EYS: variants seen among roughly 807,000 people sequenced by gnomAD.
EYS encodes protein eyes shut homolog.
Under a neutral mutation model 282.1 loss-of-function variants are expected in EYS, and 250 were observed. The ratio of observed to expected loss-of-function variants is 0.89; its 90% CI spans 0.80 to 0.98. The LOEUF is 0.98. Ranked by LOEUF, EYS falls within the 50% of genes least tolerant of loss-of-function variation. The probability of loss-of-function intolerance (pLI) is 0.00; values close to 1 mark genes in which losing one functional copy is unlikely to be tolerated. For missense variants in EYS, 4,016 were observed against 3,709.0 expected, an observed-to-expected ratio of 1.08 and a Z score of -2.15; for synonymous variants, 1,355 against 1,282.9, an observed-to-expected ratio of 1.06 and a Z score of -1.20.
At chr6:64,027,966 T>A (rs1309970099) in intron 33 of EYS, among the ~76,000 whole-genome samples, 1 of 152,196 alleles carries the variant, frequency 6.6e-6, no homozygotes, top group Admixed American at 6.5e-5. Flanking sequence ...GTCCTCAAGG[T>A]CCATTACCAT....
chr6:64,381,182 C>G (rs1242779034), intron 29 of EYS, among the ~76,000 whole-genome samples: 1 of 152,034 alleles, frequency 6.6e-6, no homozygotes, highest in African/African-American at 2.4e-5. Context: ...TACTAACGTT[C>G]TTTATACTAA....
chr6:64,892,912 C>A (rs1767332542), intron 18 of EYS, among the ~76,000 whole-genome samples: 1 of 152,026 alleles, frequency 6.6e-6, no homozygotes, highest in Non-Finnish European at 1.5e-5. Context: ...TGAAGAATTG[C>A]TAAACCCGTG....
intron 26 of EYS, among the ~76,000 whole-genome samples, chr6:64,446,458 GATTA>G (rs1349289306): frequency 1.3e-5 from 2 of 151,914 alleles, no homozygotes; most frequent in Non-Finnish European, 1.5e-5. Context: ...ATTTCTCTCA[GATTA>G]ATTATGAATA....
At chr6:65,029,880 G>A (rs570186979) in intron 13 of EYS, among the ~76,000 whole-genome samples, 5 of 152,214 alleles carry the variant, frequency 3.3e-5, no homozygotes, top group East Asian at 1.9e-4. Context: ...TATGAGGGAC[G>A]CATTCCTGGT....
At chr6:63,992,920 C>G (rs1420845183) in intron 34 of EYS, among the ~76,000 whole-genome samples, 1 of 151,748 alleles carries the variant, frequency 6.6e-6, no homozygotes, top group Non-Finnish European at 1.5e-5. Flanking sequence ...GTAATTTCAT[C>G]ATGGGGATAG....
chr6:65,490,114 C>T (rs2127265890), intron 5 of EYS: 1 of 153,628 alleles, frequency 6.5e-6, no homozygotes, highest in South Asian at 2.0e-4. Context: ...TAACCCAGAA[C>T]TTAAAGTGTA....
intron 22 of EYS, among the ~76,000 whole-genome samples, chr6:64,808,724 T>C (rs995898129): frequency 6.6e-6 from 1 of 152,082 alleles, no homozygotes; most frequent in Non-Finnish European, 1.5e-5. Context: ...ACAAAGAATC[T>C]ACCTATCTTT....
At chr6:64,376,325 C>T (rs1772560045) in intron 29 of EYS, among the ~76,000 whole-genome samples, 1 of 152,100 alleles carries the variant, frequency 6.6e-6, no homozygotes, top group Non-Finnish European at 1.5e-5. Flanking sequence ...GAGACAAGAA[C>T]TCACACTAAA....
At chr6:63,780,889 A>T (rs566873895) in intron 39 of EYS, among the ~76,000 whole-genome samples, 1 of 152,204 alleles carries the variant, frequency 6.6e-6, no homozygotes, top group South Asian at 2.1e-4. Flanking sequence ...TAGGTCTAAC[A>T]TTTAAGTCTT....
intron 16 of EYS, 21 bp from the exon 17 acceptor site, chr6:64,902,521 G>T: frequency 1.4e-6 from 2 of 1,380,576 alleles, no homozygotes; most frequent in Non-Finnish European, 2.0e-6. Flanking sequence ...TATGAGATGA[G>T]TATGGATGAG....
At chr6:65,346,717 A>G (rs1341197695) in intron 9 of EYS, among the ~76,000 whole-genome samples, 1 of 151,854 alleles carries the variant, frequency 6.6e-6, no homozygotes, top group South Asian at 2.1e-4. Context: ...GGAAAGACCC[A>G]TGCTTCCAAA....
At chr6:64,234,886 T>C (rs1295318692) in intron 30 of EYS, among the ~76,000 whole-genome samples, 3 of 151,756 alleles carry the variant, frequency 2.0e-5, no homozygotes, top group Non-Finnish European at 4.4e-5. Flanking sequence ...TATTCTTTTT[T>C]TTTTTCTTTT....
chr6:64,071,357 G>A (rs1035228246), intron 32 of EYS, among the ~76,000 whole-genome samples: 1 of 151,858 alleles, frequency 6.6e-6, no homozygotes, highest in African/African-American at 2.4e-5. Flanking sequence ...CTATACTAAT[G>A]CATGTTAATT....
At chr6:64,905,353 T>C in intron 16 of EYS, among the ~76,000 whole-genome samples, 1 of 152,290 alleles carries the variant, frequency 6.6e-6, no homozygotes, top group East Asian at 1.9e-4. Context: ...AAACAGAAAG[T>C]TTGTTATTAC....
At position 64,563,179 on chromosome 6, in the gene EYS, C is replaced by T. The variant is rs1404640380; in HGVS notation, c.5644+27044G>A. 2.6e-5 allele frequency among the ~76,000 whole-genome samples: 4 copies of T among 151,938 alleles called. 1 individual carries two copies. The highest frequency in any genetic ancestry group is 2.6e-4 in the Admixed American group (4 of 15,258). On this transcript the variant is annotated intron_variant, in intron 26 of 42. Transcript: ENST00000503581. The stretch of plus-strand genomic sequence containing the variant: ...TTGGTTGGCTAGGAAAGGTCAATGA[C>T]CACCTAAGTTCTCACATTTTCTGGG...
At chr6:65,389,596 A>G (rs1200519671) in intron 7 of EYS, among the ~76,000 whole-genome samples, 1 of 152,106 alleles carries the variant, frequency 6.6e-6, no homozygotes, top group Admixed American at 6.6e-5. Flanking sequence ...CCTAATGATA[A>G]AAGTGTTCAT....
intron 26 of EYS, among the ~76,000 whole-genome samples, chr6:64,543,425 T>C (rs916339635): frequency 6.6e-6 from 1 of 152,136 alleles, no homozygotes; most frequent in Admixed American, 6.5e-5. Context: ...ATAATGATTT[T>C]ATTTATAGAA....
intron 31 of EYS, among the ~76,000 whole-genome samples, chr6:64,163,238 T>C (rs1775163060): frequency 6.6e-6 from 1 of 152,096 alleles, no homozygotes; most frequent in Admixed American, 6.6e-5. Context: ...GCAATACATA[T>C]AATACTACAT....
rs186009291 is a variant in EYS, at chr6:63,827,720, T to C, written c.7229-21348A>G. The stretch of plus-strand genomic sequence containing the variant: ...TTAGCCGGGCGCTGTGGCGGGCGCC[T>C]GTAGTCCCAGCTACTTGGGAGGCTG... On this transcript the variant is annotated intron_variant, in intron 36 of 42. Coordinates refer to ENST00000503581, the MANE Select transcript of EYS (RefSeq NM_001142800.2). Among the ~76,000 whole-genome samples the C allele has an allele frequency of 7.2e-4, 109 of 151,760 alleles. 1 individual carries two copies. In the Middle Eastern group the frequency reaches 0.017, roughly 24 times the overall value.
Sources: allele counts gnomAD v4.1 joint callset (sites outside exome capture counted in the v4.1 genomes callset), GRCh38; gene constraint gnomAD v4.1.1; transcripts MANE v1.5; gene names NCBI Gene and HGNC (gene_info 2026-07-23, HGNC 2026-07-21).